The following IPO9 variants were observed in gnomAD, a reference collection of about 807,000 sequenced individuals.
IPO9 encodes the protein importin-9.
A neutral mutation model predicts 128.6 loss-of-function variants in IPO9; 28 were observed. The observed-to-expected ratio is 0.22, with a 90% CI of 0.16 to 0.30. The LOEUF is 0.30. Ranked by LOEUF, IPO9 falls within the 10% of genes least tolerant of loss-of-function variation. IPO9 has a pLI of 1.00. For missense variants in IPO9, 935 were observed against 1,293.9 expected (o/e 0.72, Z 4.26); for synonymous variants, 455 against 475.8 (o/e 0.96, Z 0.57).
At position 201,832,153 on chromosome 1, in the gene IPO9, G is replaced by A. The variant is rs949433625; in HGVS notation, c.163+2781G>A. On this transcript the variant is annotated intron_variant, in intron 1 of 23. Transcript: ENST00000361565. ...TGACCTCAGGTGATCCACCCGCCTC[G>A]GCCTCCCAAAGTGCTGGGATTACAG... Among the ~76,000 whole-genome samples, 10 of 151,824 alleles carry A rather than the reference G, an allele frequency of 6.6e-5. 1 individual carries two copies. The highest frequency in any genetic ancestry group is 5.9e-4 in the Admixed American group (9 of 15,264).
At chr1:201,833,793 C>CT (rs1051518584) in intron 1 of IPO9, among the ~76,000 whole-genome samples, 6 of 151,312 alleles carry the variant, frequency 4.0e-5, no homozygotes, top group African/African-American at 1.2e-4. Flanking sequence ...TTCTTTCTTT[C>CT]TTTTTTTTAA....
chr1:201,865,436 GACCTCGGGTGATCCGCTCGCCCCC>G (rs1680534995), intron 14 of IPO9, among the ~76,000 whole-genome samples: 2 of 152,164 alleles, frequency 1.3e-5, no homozygotes, highest in African/African-American at 4.8e-5. Context: ...TCAAACTCCT[GACCTCGGGTGATCCGCTCGCCCCC>G]ACCTCCCAAA....
intron 1 of IPO9, among the ~76,000 whole-genome samples, chr1:201,845,814 T>C (rs984107560): frequency 6.6e-6 from 1 of 152,230 alleles, no homozygotes; most frequent in Non-Finnish European, 1.5e-5. Flanking sequence ...GACTAATAGC[T>C]ACTGCATTGG....
At chr1:201,875,127 G>A (rs371709486) in intron 22 of IPO9, 25 bp from the exon 23 acceptor site, 14 of 1,604,824 alleles carry the variant, frequency 8.7e-6, no homozygotes, top group East Asian at 4.5e-5. Flanking sequence ...GTCCTGACCC[G>A]CCCTGTGTTG....
intron 1 of IPO9, among the ~76,000 whole-genome samples, chr1:201,846,914 C>A (rs1047511351): frequency 3.9e-5 from 6 of 152,150 alleles, no homozygotes; most frequent in Non-Finnish European, 8.8e-5. Flanking sequence ...AGTGATCCAC[C>A]CACCTCGACC....
intron 1 of IPO9, among the ~76,000 whole-genome samples, chr1:201,840,782 G>C (rs1680021224): frequency 6.6e-6 from 1 of 152,106 alleles, no homozygotes; most frequent in Non-Finnish European, 1.5e-5. Context: ...AAGTGCAAAA[G>C]AGTGTCTGTA....
intron 5 of IPO9, 57 bp from the exon 6 acceptor site, chr1:201,852,954 C>T: frequency 7.4e-7 from 1 of 1,349,420 alleles, no homozygotes; most frequent in African/African-American, 1.4e-5. Context: ...GAGATACACA[C>T]ATACCTACAC....
chr1:201,844,368 A>G (rs993526014), intron 1 of IPO9, among the ~76,000 whole-genome samples: 2 of 152,222 alleles, frequency 1.3e-5, no homozygotes, highest in Non-Finnish European at 2.9e-5. Context: ...GACACGTTCT[A>G]CAAAATAACT....
intron 1 of IPO9, 40 bp downstream of exon 1, chr1:201,829,412 A>C (rs901413656): frequency 4.6e-6 from 7 of 1,507,114 alleles, no homozygotes; most frequent in Non-Finnish European, 6.2e-6. Context: ...GCTCAGCCGC[A>C]CAATCCGCTG....
chr1:201,861,889 A>C (rs1157424830), intron 13 of IPO9, among the ~76,000 whole-genome samples: 1 of 152,222 alleles, frequency 6.6e-6, no homozygotes, highest in Non-Finnish European at 1.5e-5. Context: ...GCTTCAGCCT[A>C]AGAGATGAAT....
In IPO9 at chr1:201,855,932, C is replaced by T; in HGVS notation, c.1120C>T (p.Gln374Ter). The change falls in exon 10 of 24, where the codon CAG becomes TAG. Residue 374 changes from glutamine (Q) to a stop codon, truncating the protein, a stop_gained and splice_region_variant. Coordinates refer to ENST00000361565, the MANE Select transcript of IPO9 (RefSeq NM_018085.5). LOFTEE classifies it high-confidence loss of function. ...IILYMQITEE[Q>*]IKVWTANPQQ... ...CCTGTACATGCAAATCACTGAGGAG[C>T]AGGTAAATAATATTTGAGAGACAGT... 1.3e-6 allele frequency: 2 copies of T among 1,576,598 alleles called. No homozygotes were observed. The highest frequency in any genetic ancestry group is 1.7e-6 in the Non-Finnish European group (2 of 1,167,834).
chr1:201,865,454 C>T (rs1680535663), intron 14 of IPO9, among the ~76,000 whole-genome samples: 1 of 152,076 alleles, frequency 6.6e-6, no homozygotes, highest in South Asian at 2.1e-4. Flanking sequence ...GTGATCCGCT[C>T]GCCCCCACCT....
chr1:201,876,052 TAAA>T lies in IPO9; in HGVS notation c.*1_*3del. 6.3e-7 allele frequency: 1 copy of T among 1,597,074 alleles called. No individual in the cohort carries two copies. The highest frequency in any genetic ancestry group is 8.6e-7 in the Non-Finnish European group (1 of 1,164,506). ...GCGAGTTCTACAGACCATCGGCATC[TAAA>T]AAGGGGAGCCTTTCTACATTTGCTC... On this transcript the variant is annotated stop_retained_variant and 3_prime_UTR_variant, in exon 24 of 24. Transcript: ENST00000361565.
At chr1:201,864,390 A>G (rs1192987487) in intron 14 of IPO9, among the ~76,000 whole-genome samples, 1 of 152,264 alleles carries the variant, frequency 6.6e-6, no homozygotes, top group Non-Finnish European at 1.5e-5. Context: ...AATTAGAAGT[A>G]TCATCTTAAG....
In IPO9 at chr1:201,873,545, C is replaced by T. The variant is rs376945991; in HGVS notation, c.2710+584C>T. Among the ~76,000 whole-genome samples the T allele has an allele frequency of 1.5e-3, 223 of 149,266 alleles. 1 individual carries two copies. Among genetic ancestry groups the T allele is most frequent in the African/African-American group, 5.0e-3 (204 of 40,496 alleles). On this transcript the variant is annotated intron_variant, in intron 20 of 23. Transcript: ENST00000361565. ...GGTGGATCGCCTGAGGCCGGGAGTT[C>T]GAGACCAGCCTGACCAACATAGAGA...
chr1:201,852,862 C>T (rs1680251564), intron 5 of IPO9, 149 bp from the exon 6 acceptor site: 2 of 658,410 alleles, frequency 3.0e-6, no homozygotes, highest in Admixed American at 2.5e-5. Flanking sequence ...GCCTCCTGGA[C>T]ATAAATGAAT....
rs776772852 is a variant in IPO9 at position 201,855,804 on chromosome 1, A to G, written c.992A>G (p.Asn331Ser). 76 of 1,610,228 alleles carry G rather than the reference A, an allele frequency of 4.7e-5. No homozygotes were observed. The East Asian group carries it at 1.7e-3, about 35-fold the overall frequency. ...DSDGEVLGFE[N>S]LVFSIFEFVH... ...GCAGGTGAAGTCCTGGGCTTTGAAA[A>G]TCTCGTCTTTAGCATTTTTGAATTT... The change falls in exon 10 of 24, where the codon AAT becomes AGT. Residue 331 changes from asparagine to serine, a missense_variant. By Grantham distance (46) the Asn-to-Ser change is conservative. Transcript: ENST00000361565.
rs937881487 is a variant in IPO9 at position 201,880,293 on chromosome 1, T to C, written c.*4239T>C. 2.0e-5 allele frequency: 3 copies of C among 152,216 alleles called. No individual in the cohort carries two copies. Among genetic ancestry groups the C allele is most frequent in the Non-Finnish European group, 4.4e-5 (3 of 68,040 alleles). 9.4% of individuals were successfully genotyped at this position (152,216 alleles called of 1,614,324 possible). On this transcript the variant is annotated 3_prime_UTR_variant, in exon 24 of 24. Transcript: ENST00000361565. ...AATAAAAACAGGTTGTCTAGGGTAG[T>C]GTGGAAGGTCCTTTCAGTCTTCCTG... is the stretch of plus-strand genomic sequence containing the variant.
intron 3 of IPO9, 21 bp from the exon 4 acceptor site, chr1:201,848,372 G>A (rs1171504540): frequency 6.2e-7 from 1 of 1,607,484 alleles, no homozygotes; most frequent in Non-Finnish European, 8.5e-7. Context: ...CTAATAGCAG[G>A]TGGACTTTTA....
Sources: allele counts gnomAD v4.1 joint callset (sites outside exome capture counted in the v4.1 genomes callset), GRCh38; gene constraint gnomAD v4.1.1; transcripts MANE v1.5; gene names NCBI Gene and HGNC (gene_info 2026-07-23, HGNC 2026-07-21).